PRKD1: variants seen among roughly 807,000 people sequenced by gnomAD.
The protein encoded by PRKD1 is serine/threonine-protein kinase D1.
In PRKD1, 63 loss-of-function variants were observed where a neutral mutation model predicts 95.9. The observed-to-expected ratio is 0.66, with a 90% CI of 0.54 to 0.81. The LOEUF (loss-of-function observed/expected upper bound fraction) is 0.81. Among genes scored for constraint, PRKD1 ranks in the 30% least tolerant of loss-of-function variants. PRKD1 has a pLI of 0.00. For synonymous variants in PRKD1, 425 were observed against 423.1 expected (o/e 1.00, Z -0.05); for missense variants, 1,048 against 1,165.3 (o/e 0.90, Z 1.47).
At chr14:29,808,243 C>G (rs34902355) in intron 1 of PRKD1, among the ~76,000 whole-genome samples, 1 of 152,040 alleles carries the variant, frequency 6.6e-6, no homozygotes, top group African/African-American at 2.4e-5. Context: ...TTAACGGAAT[C>G]TTCACCAGGA....
chr14:29,877,008 C>G (rs1893321060), intron 1 of PRKD1, among the ~76,000 whole-genome samples: 1 of 152,060 alleles, frequency 6.6e-6, no homozygotes, highest in Non-Finnish European at 1.5e-5. Context: ...AAAAATTAGA[C>G]AGGTGTGGTG....
At chr14:29,800,356 G>C (rs915743246) in intron 1 of PRKD1, among the ~76,000 whole-genome samples, 8 of 152,188 alleles carry the variant, frequency 5.3e-5, no homozygotes, top group Non-Finnish European at 1.2e-4. Context: ...GCTTGCATTT[G>C]TTTAACACTC....
At chr14:29,826,816 C>T (rs867573210) in intron 1 of PRKD1, among the ~76,000 whole-genome samples, 488 of 31,004 alleles carry the variant, frequency 0.016, 81 homozygotes, top group South Asian at 0.029. Flanking sequence ...TATATATACA[C>T]ATATATATAT....
chr14:29,858,338 T>C (rs901392961), intron 1 of PRKD1, among the ~76,000 whole-genome samples: 1 of 152,184 alleles, frequency 6.6e-6, no homozygotes, highest in Admixed American at 6.5e-5. Context: ...TCACCTATAA[T>C]AGTGTATGGC....
At chr14:29,843,528 CAG>C (rs1228222433) in intron 1 of PRKD1, among the ~76,000 whole-genome samples, 2 of 152,190 alleles carry the variant, frequency 1.3e-5, no homozygotes, top group African/African-American at 4.8e-5. Flanking sequence ...GATTCTTTTA[CAG>C]AGTCTCTAAA....
chr14:29,759,448 A>T (rs1309251805), intron 1 of PRKD1, among the ~76,000 whole-genome samples: 1 of 152,214 alleles, frequency 6.6e-6, no homozygotes, highest in Non-Finnish European at 1.5e-5. Context: ...AAATGTGCTA[A>T]GTATCTTCAT....
intron 1 of PRKD1, among the ~76,000 whole-genome samples, chr14:29,839,404 G>A (rs1415885563): frequency 6.6e-6 from 1 of 152,148 alleles, no homozygotes; most frequent in Non-Finnish European, 1.5e-5. Context: ...TCAAAGCAAT[G>A]GCTACCAAGA....
chr14:29,666,835 G>A (rs147978084), intron 2 of PRKD1, among the ~76,000 whole-genome samples: 19 of 152,176 alleles, frequency 1.2e-4, no homozygotes, highest in South Asian at 1.0e-3. Flanking sequence ...TAATACATAC[G>A]CTGGTGAACT....
intron 17 of PRKD1, 26 bp from the exon 18 acceptor site, chr14:29,577,482 C>T (rs530886098): frequency 6.3e-7 from 1 of 1,585,856 alleles, no homozygotes; most frequent in Admixed American, 1.7e-5. Context: ...CAAAATATTA[C>T]CATAGAGATC....
intron 2 of PRKD1, among the ~76,000 whole-genome samples, chr14:29,676,177 G>GGTTTTT (rs1555334424): frequency 4.8e-5 from 5 of 104,762 alleles, no homozygotes; most frequent in African/African-American, 2.1e-4. Context: ...AGTTCATTAC[G>GGTTTTT]TTTTTGTTTT....
chr14:29,639,574 G>A (rs1206814338), intron 4 of PRKD1, among the ~76,000 whole-genome samples: 3 of 151,646 alleles, frequency 2.0e-5, no homozygotes, highest in Non-Finnish European at 4.4e-5. Flanking sequence ...AGCCAATATC[G>A]TGCCACTGCA....
At chr14:29,784,886 C>A (rs926364882) in intron 1 of PRKD1, among the ~76,000 whole-genome samples, 4 of 152,204 alleles carry the variant, frequency 2.6e-5, no homozygotes, top group African/African-American at 9.6e-5. Context: ...ACTGGCTTTA[C>A]AAATGCTCTT....
At chr14:29,811,925 T>G (rs1890502392) in intron 1 of PRKD1, 1 of 152,236 alleles carries the variant, frequency 6.6e-6, no homozygotes, top group Non-Finnish European at 1.5e-5. Flanking sequence ...TCTGCCCACT[T>G]CTTTAGCACA....
At position 29,621,938 on chromosome 14, in the gene PRKD1, A is replaced by G. The variant is rs139172671; in HGVS notation, c.1905+2214T>C. 2.3e-3 allele frequency among the ~76,000 whole-genome samples: 343 copies of G among 152,318 alleles called. 2 individuals are homozygous for G. The highest frequency in any genetic ancestry group is 7.9e-3 in the African/African-American group (327 of 41,562). On this transcript the variant is annotated intron_variant, in intron 13 of 17. Coordinates refer to ENST00000331968, the MANE Select transcript of PRKD1 (RefSeq NM_002742.3). ...GACTTTCAACCTAACCAAACTCTTT[A>G]GAAAACCTTATTATGATGAAGGATT...
intron 8 of PRKD1, 61 bp downstream of exon 8, chr14:29,634,357 T>C (rs1196716155): frequency 1.1e-5 from 18 of 1,611,638 alleles, no homozygotes; most frequent in Admixed American, 1.7e-5. Flanking sequence ...TCACGGGACA[T>C]TAGCAACTCC....
chr14:29,806,801 A>T (rs1259731974), intron 1 of PRKD1, among the ~76,000 whole-genome samples: 2 of 152,202 alleles, frequency 1.3e-5, no homozygotes, highest in Non-Finnish European at 2.9e-5. Flanking sequence ...TGCAACTGAA[A>T]CAAGAGAGGT....
At chr14:29,821,567 C>G (rs11156617) in intron 1 of PRKD1, among the ~76,000 whole-genome samples, 1 of 152,022 alleles carries the variant, frequency 6.6e-6, no homozygotes. Flanking sequence ...CACACTGAAT[C>G]GCAAAATTAA....
intron 2 of PRKD1, among the ~76,000 whole-genome samples, chr14:29,721,872 G>A (rs948798144): frequency 3.9e-5 from 6 of 151,916 alleles, no homozygotes. Context: ...GGCTTACTGC[G>A]TTTAAATGTA....
intron 1 of PRKD1, among the ~76,000 whole-genome samples, chr14:29,849,093 A>G (rs1341895033): frequency 6.6e-6 from 1 of 152,210 alleles, no homozygotes; most frequent in East Asian, 1.9e-4. Flanking sequence ...TCAAATTATA[A>G]TTCCCAGTGT....
Sources: gnomAD v4.1 joint callset for allele counts (sites outside exome capture counted in the v4.1 genomes callset) on GRCh38, gnomAD v4.1.1 for gene constraint, MANE v1.5 for transcripts, NCBI Gene and HGNC (gene_info 2026-07-23, HGNC 2026-07-21) for gene names.